ROBO2: variants seen among roughly 807,000 people sequenced by gnomAD.
The protein encoded by ROBO2 is roundabout guidance receptor 2, also known as roundabout homolog 2.
ROBO2 carries 53 observed loss-of-function variants against 160.8 expected under a neutral mutation model. The observed-to-expected ratio is 0.33, with a 90% CI of 0.26 to 0.41. ROBO2 has a LOEUF of 0.41. ROBO2 is among the 10% of genes least tolerant of loss of function. The pLI is 1.00. For synonymous variants in ROBO2, 664 were observed against 611.7 expected, an observed-to-expected ratio of 1.09 and a Z score of -1.26; for missense variants, 1,577 against 1,722.4, an observed-to-expected ratio of 0.92 and a Z score of 1.49.
intron 2 of ROBO2, among the ~76,000 whole-genome samples, chr3:76,559,843 T>C (rs1397147804): frequency 6.6e-6 from 1 of 152,068 alleles, no homozygotes; most frequent in Admixed American, 6.6e-5. Context: ...AATTTCATTG[T>C]CTCTTTATTT....
intron 2 of ROBO2, among the ~76,000 whole-genome samples, chr3:77,151,021 A>G (rs2077508742): frequency 6.6e-6 from 1 of 152,158 alleles, no homozygotes; most frequent in African/African-American, 2.4e-5. Flanking sequence ...TTTCCAATTA[A>G]AATCAAATTG....
At chr3:76,858,935 T>C (rs1041204523) in intron 2 of ROBO2, among the ~76,000 whole-genome samples, 1 of 152,158 alleles carries the variant, frequency 6.6e-6, no homozygotes, top group Non-Finnish European at 1.5e-5. Flanking sequence ...GTTGGACATA[T>C]AGTGATGAGA....
At chr3:76,898,955 C>T (rs2075021872) in intron 2 of ROBO2, among the ~76,000 whole-genome samples, 1 of 152,046 alleles carries the variant, frequency 6.6e-6, no homozygotes, top group Admixed American at 6.6e-5. Flanking sequence ...AGAACACAGC[C>T]CCTTCCTTTA....
At chr3:76,553,587 T>C (rs2083539557) in intron 2 of ROBO2, among the ~76,000 whole-genome samples, 1 of 152,206 alleles carries the variant, frequency 6.6e-6, no homozygotes, top group South Asian at 2.1e-4. Flanking sequence ...TTATGTGAAA[T>C]GAAAATGTTA....
At chr3:77,572,002 T>A (rs1056647320) in intron 13 of ROBO2, among the ~76,000 whole-genome samples, 5 of 151,804 alleles carry the variant, frequency 3.3e-5, no homozygotes, top group Non-Finnish European at 7.4e-5. Context: ...TACACTGAAG[T>A]GTGCAAGTGT....
chr3:77,225,401 C>T (rs1245044871), intron 2 of ROBO2, among the ~76,000 whole-genome samples: 1 of 151,872 alleles, frequency 6.6e-6, no homozygotes, highest in East Asian at 1.9e-4. Context: ...GAAAAAGCCC[C>T]TTTTCATTCC....
At chr3:76,419,043 A>G (rs1335258021) in intron 2 of ROBO2, among the ~76,000 whole-genome samples, 2 of 152,192 alleles carry the variant, frequency 1.3e-5, no homozygotes, top group Non-Finnish European at 2.9e-5. Flanking sequence ...AGATTAGTGT[A>G]CCATCCATTT....
At chr3:76,868,526 A>G (rs2071627898) in intron 2 of ROBO2, among the ~76,000 whole-genome samples, 1 of 152,230 alleles carries the variant, frequency 6.6e-6, no homozygotes, top group African/African-American at 2.4e-5. Context: ...TTGAAATAAT[A>G]AAAAATTGCA....
intron 2 of ROBO2, among the ~76,000 whole-genome samples, chr3:77,371,514 G>A (rs546841702): frequency 1.3e-5 from 2 of 152,054 alleles, no homozygotes; most frequent in African/African-American, 2.4e-5. Context: ...TTACATACAA[G>A]GGCTATTTTA....
At chr3:77,595,834 A>G (rs192072597) in intron 18 of ROBO2, among the ~76,000 whole-genome samples, 173 of 152,270 alleles carry the variant, frequency 1.1e-3, no homozygotes, top group African/African-American at 3.9e-3. Context: ...ATAGAAACAC[A>G]TGTTTCTCTT....
intron 2 of ROBO2, among the ~76,000 whole-genome samples, chr3:75,999,576 G>A (rs2065824790): frequency 6.6e-6 from 1 of 151,948 alleles, no homozygotes; most frequent in Non-Finnish European, 1.5e-5. Context: ...TTTTAACTTT[G>A]TCCTAAAGAA....
At chr3:77,489,909 A>G (rs1019603695) in intron 4 of ROBO2, among the ~76,000 whole-genome samples, 2 of 152,004 alleles carry the variant, frequency 1.3e-5, no homozygotes, top group Non-Finnish European at 2.9e-5. Flanking sequence ...TATCCTATGG[A>G]CTTCTTAGTT....
At chr3:77,534,698 T>C (rs1424246877) in intron 6 of ROBO2, among the ~76,000 whole-genome samples, 5 of 152,202 alleles carry the variant, frequency 3.3e-5, no homozygotes, top group Non-Finnish European at 7.3e-5. Flanking sequence ...TACATTTTTA[T>C]TTCAAATATA....
At chr3:77,331,944 G>A (rs563771893) in intron 2 of ROBO2, among the ~76,000 whole-genome samples, 4 of 152,138 alleles carry the variant, frequency 2.6e-5, no homozygotes, top group Non-Finnish European at 4.4e-5. Context: ...GACCTCAGGT[G>A]ACCCACCTGC....
intron 2 of ROBO2, among the ~76,000 whole-genome samples, chr3:76,767,089 G>A (rs1399476374): frequency 6.6e-6 from 1 of 151,414 alleles, no homozygotes; most frequent in Non-Finnish European, 1.5e-5. Context: ...TCAAGCAGAA[G>A]TGCTTAAAAA....
chr3:76,935,627 C>T (rs1456714553), intron 2 of ROBO2, among the ~76,000 whole-genome samples: 1 of 152,096 alleles, frequency 6.6e-6, no homozygotes, highest in Non-Finnish European at 1.5e-5. Context: ...GCTGAGAAGT[C>T]CAAGATCAAG....
intron 2 of ROBO2, among the ~76,000 whole-genome samples, chr3:76,953,741 T>A (rs2079086535): frequency 6.6e-6 from 1 of 152,146 alleles, no homozygotes; most frequent in Admixed American, 6.6e-5. Context: ...AGACAGTCCT[T>A]AGAAGCAAGC....
intron 2 of ROBO2, among the ~76,000 whole-genome samples, chr3:77,257,371 T>C (rs544556409): frequency 1.7e-4 from 26 of 152,168 alleles, no homozygotes; most frequent in African/African-American, 4.8e-4. Context: ...GCAGGTGGGA[T>C]TGTAGAGGAT....
chr3:77,010,730 G>A (rs958629276), intron 2 of ROBO2, among the ~76,000 whole-genome samples: 3 of 151,984 alleles, frequency 2.0e-5, no homozygotes, highest in Middle Eastern at 3.2e-3. Context: ...CTAAAACAAC[G>A]CTGGAATCCA....
Sources: gnomAD v4.1 joint callset for allele counts (sites outside exome capture counted in the v4.1 genomes callset) on GRCh38, gnomAD v4.1.1 for gene constraint, MANE v1.5 for transcripts, NCBI Gene and HGNC (gene_info 2026-07-23, HGNC 2026-07-21) for gene names.